Variants in FAM227B observed in about 807,000 individuals in gnomAD.
FAM227B encodes the protein family with sequence similarity 227 member B.
FAM227B carries 88 observed loss-of-function variants against 73.8 expected under a neutral mutation model. The ratio of observed to expected loss-of-function variants is 1.19; its 90% CI spans 1.00 to 1.42. The LOEUF (loss-of-function observed/expected upper bound fraction) is 1.42. FAM227B is among the 40% of genes most tolerant of loss of function. The pLI is 0.00. For synonymous variants in FAM227B, 210 were observed against 190.5 expected (o/e 1.10, Z -0.84); for missense variants, 632 against 590.9 (o/e 1.07, Z -0.72).
rs538689353 is a variant in FAM227B at position 49,433,018 on chromosome 15, T to C, written c.1013-61619A>G. 9.1e-4 allele frequency among the ~76,000 whole-genome samples: 138 copies of C among 151,638 alleles called. 5 individuals carry two copies. The South Asian group carries it at 0.027, about 30-fold the overall frequency. On this transcript the variant is annotated intron_variant, in intron 11 of 15. Coordinates refer to ENST00000299338, the MANE Select transcript of FAM227B (RefSeq NM_152647.3). Reference sequence around the variant, plus strand: ...AAATTTTTACTTTTCGAAAAAGTAGTTGGAGCAAAATTTGTTGCTATTTCA... The same window carrying C: ...AAATTTTTACTTTTCGAAAAAGTAGCTGGAGCAAAATTTGTTGCTATTTCA...
chr15:49,485,169 T>A (rs1356189123), intron 11 of FAM227B: 1 of 152,304 alleles, frequency 6.6e-6, no homozygotes, highest in Admixed American at 6.6e-5. Flanking sequence ...GGAAAGGGTA[T>A]TGCTAAAAGG....
chr15:49,414,676 T>C (rs113228905), intron 11 of FAM227B, among the ~76,000 whole-genome samples: 2 of 152,130 alleles, frequency 1.3e-5, no homozygotes, highest in African/African-American at 2.4e-5. Context: ...GGATTAGGAA[T>C]AGAATTAATG....
At chr15:49,561,166 G>T (rs996649869) in intron 9 of FAM227B, among the ~76,000 whole-genome samples, 8 of 152,018 alleles carry the variant, frequency 5.3e-5, no homozygotes, top group Admixed American at 2.6e-4. Context: ...AAAGTCTCAG[G>T]GTTGGAGAAA....
chr15:49,535,331 G>T (rs1330850261), intron 10 of FAM227B, among the ~76,000 whole-genome samples: 1 of 151,572 alleles, frequency 6.6e-6, no homozygotes, highest in Non-Finnish European at 1.5e-5. Context: ...AAATGGAATG[G>T]ACAAATACCT....
intron 9 of FAM227B, among the ~76,000 whole-genome samples, chr15:49,567,712 G>A (rs2074769715): frequency 6.6e-6 from 1 of 152,046 alleles, no homozygotes; most frequent in African/African-American, 2.4e-5. Context: ...CACCCAGTGA[G>A]ATTCCTACCA....
intron 12 of FAM227B, among the ~76,000 whole-genome samples, chr15:49,368,648 A>G (rs780014142): frequency 2.0e-5 from 3 of 152,198 alleles, no homozygotes; most frequent in African/African-American, 7.2e-5. Flanking sequence ...GTATAGCTCA[A>G]TCTTCAAAAT....
At chr15:49,527,392 C>G (rs1597904934) in intron 10 of FAM227B, among the ~76,000 whole-genome samples, 1 of 152,070 alleles carries the variant, frequency 6.6e-6, no homozygotes, top group Middle Eastern at 3.4e-3. Flanking sequence ...ATCAAACACA[C>G]AGCCAACATC....
chr15:49,600,191 C>G (rs1194773267), intron 3 of FAM227B, among the ~76,000 whole-genome samples: 1 of 152,028 alleles, frequency 6.6e-6, no homozygotes, highest in Non-Finnish European at 1.5e-5. Flanking sequence ...AAGATTTTGA[C>G]TTTAAAGCTT....
chr15:49,617,060 T>C (rs754971136), intron 1 of FAM227B, among the ~76,000 whole-genome samples: 7 of 152,188 alleles, frequency 4.6e-5, no homozygotes, highest in Admixed American at 2.6e-4. Context: ...CTTTAAATGT[T>C]TGAGAAACTT....
At chr15:49,615,389 G>C in intron 1 of FAM227B, 146 bp from the exon 2 acceptor site, 1 of 578,008 alleles carries the variant, frequency 1.7e-6, no homozygotes, top group South Asian at 1.9e-5. Context: ...TTGAACTGTT[G>C]GAATCCCCAG....
intron 11 of FAM227B, among the ~76,000 whole-genome samples, chr15:49,465,437 ACTT>A (rs1405301471): frequency 2.0e-5 from 3 of 151,818 alleles, no homozygotes; most frequent in Non-Finnish European, 4.4e-5. Flanking sequence ...TGCCCGGCCT[ACTT>A]CTTAAAGTGT....
chr15:49,539,178 T>C (rs769621002), intron 10 of FAM227B, among the ~76,000 whole-genome samples: 2 of 152,118 alleles, frequency 1.3e-5, no homozygotes, highest in Non-Finnish European at 2.9e-5. Flanking sequence ...CAGCTTACAT[T>C]CCCCATGCAG....
chr15:49,336,433 A>T (rs972047528), intron 13 of FAM227B, among the ~76,000 whole-genome samples: 1 of 152,214 alleles, frequency 6.6e-6, no homozygotes, highest in South Asian at 2.1e-4. Context: ...TGTTAAATGA[A>T]GACCTTAGCC....
At chr15:49,569,549 C>A (rs1477129493) in intron 8 of FAM227B, among the ~76,000 whole-genome samples, 2 of 151,836 alleles carry the variant, frequency 1.3e-5, no homozygotes. Flanking sequence ...TACAATGTAT[C>A]ATTTTGATAA....
At chr15:49,431,601 G>A (rs1313394656) in intron 11 of FAM227B, among the ~76,000 whole-genome samples, 1 of 151,628 alleles carries the variant, frequency 6.6e-6, no homozygotes, top group Non-Finnish European at 1.5e-5. Context: ...CTTCCCTCCA[G>A]AAGAAAGTAA....
intron 9 of FAM227B, among the ~76,000 whole-genome samples, chr15:49,564,499 A>G (rs1868436893): frequency 1.3e-5 from 2 of 152,204 alleles, no homozygotes; most frequent in Non-Finnish European, 2.9e-5. Flanking sequence ...TGTTTACCCA[A>G]AGGAAAATAA....
chr15:49,505,401 C>A (rs984441210), intron 11 of FAM227B, among the ~76,000 whole-genome samples: 1 of 151,750 alleles, frequency 6.6e-6, no homozygotes. Context: ...TATTGTACAC[C>A]AATTAGATCT....
rs917151734 is a variant in FAM227B, at chr15:49,371,368, G to T, written c.1044C>A (p.Asn348Lys). 7 of 1,586,756 alleles carry T rather than the reference G, an allele frequency of 4.4e-6. No individual in the cohort carries two copies. The highest frequency in any genetic ancestry group is 6.0e-6 in the Non-Finnish European group (7 of 1,163,366). ...TGGGCAACGTATATGCTCTTGGGTT[G>T]TTCAGAATCTTTATAATATTGAAGT... ...SIDFNIIKIL[N>K]NPRAYTLPIS... Residue 348 changes from asparagine (N) to lysine (K), a missense_variant, in exon 12 of 16, where the codon AAC (asparagine) becomes AAA (lysine). Asn to Lys is a moderately conservative substitution (Grantham distance 94, BLOSUM62 0). Transcript: ENST00000299338.
intron 14 of FAM227B, among the ~76,000 whole-genome samples, chr15:49,332,789 T>G (rs1314011267): frequency 1.3e-5 from 2 of 152,196 alleles, no homozygotes; most frequent in East Asian, 3.9e-4. Flanking sequence ...TTTAACCCCT[T>G]GCCAGGCCTA....
Sources: gnomAD v4.1 joint callset for allele counts (sites outside exome capture counted in the v4.1 genomes callset) on GRCh38, gnomAD v4.1.1 for gene constraint, MANE v1.5 for transcripts, NCBI Gene and HGNC (gene_info 2026-07-23, HGNC 2026-07-21) for gene names.